The following LRRC8D variants were observed in gnomAD, a reference collection of about 807,000 sequenced individuals.
LRRC8D encodes the protein volume-regulated anion channel subunit LRRC8D.
Under a neutral mutation model 55.8 loss-of-function variants are expected in LRRC8D, and 20 were observed. That is an observed-to-expected ratio of 0.36 (90% CI 0.25 to 0.52). The LOEUF is 0.52. LRRC8D is among the 20% of genes least tolerant of loss of function. The probability of loss-of-function intolerance (pLI) is 0.93; values close to 1 mark genes in which losing one functional copy is unlikely to be tolerated. For synonymous variants in LRRC8D, 352 were observed against 377.0 expected, an observed-to-expected ratio of 0.93 and a Z score of 0.77; for missense variants, 651 against 1,030.8, an observed-to-expected ratio of 0.63 and a Z score of 5.05.
intron 2 of LRRC8D, among the ~76,000 whole-genome samples, chr1:89,874,443 TTGTG>T (rs36202085): frequency 0.16 from 23,557 of 146,016 alleles, 1,932 homozygotes; most frequent in African/African-American, 0.18. Context: ...AAGAAACTAT[TTGTG>T]TGTGTGTGTG....
chr1:89,902,215 C>A (rs1662876066), intron 2 of LRRC8D, among the ~76,000 whole-genome samples: 1 of 152,266 alleles, frequency 6.6e-6, no homozygotes, highest in Non-Finnish European at 1.5e-5. Flanking sequence ...CTGGAAGATG[C>A]TCCTGCAGCA....
intron 2 of LRRC8D, among the ~76,000 whole-genome samples, chr1:89,896,951 A>T (rs143420294): frequency 1.3e-5 from 2 of 152,340 alleles, no homozygotes; most frequent in African/African-American, 4.8e-5. Flanking sequence ...TTGTCATAAT[A>T]ATCCCTTTGG....
At chr1:89,881,763 T>A (rs938688753) in intron 2 of LRRC8D, among the ~76,000 whole-genome samples, 1 of 152,198 alleles carries the variant, frequency 6.6e-6, no homozygotes, top group Admixed American at 6.5e-5. Flanking sequence ...TGGAACAGCC[T>A]CACTGAACTT....
chr1:89,901,710 A>G (rs1446425545), intron 2 of LRRC8D, among the ~76,000 whole-genome samples: 2 of 152,240 alleles, frequency 1.3e-5, no homozygotes, highest in African/African-American at 2.4e-5. Context: ...TTTTTTTAAA[A>G]AATAATTTGA....
At chr1:89,903,954 G>A (rs1014333693) in intron 2 of LRRC8D, among the ~76,000 whole-genome samples, 1 of 152,078 alleles carries the variant, frequency 6.6e-6, no homozygotes, top group African/African-American at 2.4e-5. Flanking sequence ...CTAGAGGCTT[G>A]GAAGGCTGCT....
intron 2 of LRRC8D, among the ~76,000 whole-genome samples, chr1:89,930,604 C>CA (rs1221655436): frequency 3.3e-5 from 5 of 151,938 alleles, no homozygotes; most frequent in Admixed American, 2.0e-4. Flanking sequence ...CTATTACATG[C>CA]AAAAAAATCT....
In LRRC8D at chr1:89,936,103, T is replaced by C. The variant is rs1663848958; in HGVS notation, c.*458T>C. The C allele has an allele frequency of 5.9e-6, 1 of 170,940 alleles. No individual in the cohort carries two copies. Among genetic ancestry groups the C allele is most frequent in the African/African-American group, 2.4e-5 (1 of 41,460 alleles). 10.6% of individuals were successfully genotyped at this position (170,940 alleles called of 1,614,324 possible). ...ACACATCAAGTCCAAACTTGTAAAT[T>C]TAGATTTGCTGAAATACTGATTTAT... On this transcript the variant is annotated 3_prime_UTR_variant, in exon 3 of 3. Transcript: ENST00000337338.
chr1:89,871,412 A>G (rs1435313439), intron 2 of LRRC8D, among the ~76,000 whole-genome samples: 4 of 152,222 alleles, frequency 2.6e-5, no homozygotes. Flanking sequence ...GCCTGCGCAT[A>G]GCGTTCTTTT....
chr1:89,893,255 C>T (rs1422258683), intron 2 of LRRC8D, among the ~76,000 whole-genome samples: 1 of 152,134 alleles, frequency 6.6e-6, no homozygotes, highest in Non-Finnish European at 1.5e-5. Context: ...AATGAACAGT[C>T]CTGCAGAGGG....
At position 89,935,302 on chromosome 1, in the gene LRRC8D, C is replaced by T. The variant is rs770990690; in HGVS notation, c.2234C>T (p.Pro745Leu). 6.2e-7 allele frequency: 1 copy of T among 1,613,998 alleles called. No individual in the cohort carries two copies. Among genetic ancestry groups the T allele is most frequent in the Admixed American group, 1.7e-5 (1 of 60,022 alleles). Residue 745 changes from proline (P) to leucine (L), a missense_variant, in exon 3 of 3, where the codon CCA becomes CTA. By Grantham distance (98) the Pro-to-Leu change is moderately conservative (BLOSUM62 -3). Around this residue, in one of 5 missense-constraint regions of LRRC8D, gnomAD observed 338 missense variants for 479.4 expected, o/e 0.71. Transcript: ENST00000337338. ...AGCTACAACAACATTTCAATGATTCCAATAGAAATAGGATTGCTTCAGAAC... is the reference window on the plus strand; with the variant it reads ...AGCTACAACAACATTTCAATGATTCTAATAGAAATAGGATTGCTTCAGAAC... ...DVSYNNISMI[P>L]IEIGLLQNLQ...
intron 2 of LRRC8D, among the ~76,000 whole-genome samples, chr1:89,900,100 G>C (rs116058615): frequency 6.6e-6 from 1 of 152,198 alleles, no homozygotes; most frequent in Non-Finnish European, 1.5e-5. Flanking sequence ...TACTCTGGGA[G>C]CATCAAGGGA....
At chr1:89,926,012 A>G (rs1174518592) in intron 2 of LRRC8D, among the ~76,000 whole-genome samples, 3 of 152,254 alleles carry the variant, frequency 2.0e-5, no homozygotes. Context: ...TAGTTTCTCT[A>G]ACGCATCATT....
At chr1:89,895,013 A>G (rs917690801) in intron 2 of LRRC8D, among the ~76,000 whole-genome samples, 2 of 113,590 alleles carry the variant, frequency 1.8e-5, no homozygotes, top group East Asian at 5.7e-4. Flanking sequence ...CACCCCACCC[A>G]CTGATCACTC....
intron 2 of LRRC8D, among the ~76,000 whole-genome samples, chr1:89,892,678 C>T (rs527435881): frequency 6.6e-6 from 1 of 152,252 alleles, no homozygotes; most frequent in African/African-American, 2.4e-5. Context: ...GCCAACACGC[C>T]CAGCTAATTT....
Position 89,934,782 on chromosome 1 carries a change from A to C in LRRC8D, c.1714A>C (p.Asn572His). The C allele has an allele frequency of 6.2e-7, 1 of 1,614,152 alleles. No individual in the cohort carries two copies. Among genetic ancestry groups the C allele is most frequent in the Non-Finnish European group, 8.5e-7 (1 of 1,180,028 alleles). Residue 572 changes from asparagine (N) to histidine (H), a missense_variant, in exon 3 of 3, where the codon AAC becomes CAC. Asn to His is a moderately conservative substitution (Grantham distance 68, BLOSUM62 1). Transcript: ENST00000337338. This position sits in a 1 kb window ranked among gnomAD's most constrained non-coding sequence, Gnocchi z 5.9. ...LRELYLIGNL[N>H]SENNKMIGLE... is the part of the protein sequence containing the mutation. ...AGAGTTGTACTTAATAGGCAATTTG[A>C]ACTCTGAAAACAATAAGATGATAGG... is the stretch of plus-strand genomic sequence containing the variant.
chr1:89,919,253 G>A (rs555920690), intron 2 of LRRC8D, among the ~76,000 whole-genome samples: 44 of 152,172 alleles, frequency 2.9e-4, no homozygotes, highest in Non-Finnish European at 5.7e-4. Context: ...GAGGGTTAGT[G>A]AGGTAAGCAC....
chr1:89,909,511 G>A (rs1179885153), intron 2 of LRRC8D, among the ~76,000 whole-genome samples: 4 of 151,704 alleles, frequency 2.6e-5, no homozygotes. Flanking sequence ...ATGTATATGG[G>A]GTTCCAATGG....
In LRRC8D at chr1:89,895,383, A is replaced by G. The variant is rs79588907; in HGVS notation, c.-2-37684A>G. On this transcript the variant is annotated intron_variant, in intron 2 of 2. Transcript: ENST00000337338. ...ATAAACAAGCAAATGGCTCAGAAAA[A>G]TTCCCAGCTAGGTAATTTTATCTCA... 2.6e-3 allele frequency among the ~76,000 whole-genome samples: 403 copies of G among 152,326 alleles called. 7 individuals are homozygous for G. The highest frequency in any genetic ancestry group is 9.3e-3 in the African/African-American group (388 of 41,578).
intron 2 of LRRC8D, among the ~76,000 whole-genome samples, chr1:89,872,589 A>G (rs1046666814): frequency 1.3e-5 from 2 of 152,260 alleles, no homozygotes; most frequent in East Asian, 3.8e-4. Context: ...GAATTTTCTT[A>G]AGGATAACCA....
Sources: allele counts gnomAD v4.1 joint callset (sites outside exome capture counted in the v4.1 genomes callset), GRCh38; gene constraint gnomAD v4.1.1; regional missense constraint gnomAD v4.1.1; non-coding constraint Gnocchi (gnomAD v3.1); transcripts MANE v1.5; gene names NCBI Gene and HGNC (gene_info 2026-07-23, HGNC 2026-07-21).